MAP3K21: variants seen among roughly 807,000 people sequenced by gnomAD.
MAP3K21 encodes mitogen-activated protein kinase kinase kinase MLK4.
MAP3K21 carries 63 observed loss-of-function variants against 86.1 expected under a neutral mutation model. That is an observed-to-expected ratio of 0.73 (90% confidence interval 0.60 to 0.90). MAP3K21 has a LOEUF of 0.90. MAP3K21 is among the 40% of genes least tolerant of loss of function. The pLI, the probability that MAP3K21 is intolerant of heterozygous loss-of-function variation, is 0.00. For missense variants in MAP3K21, 1,220 were observed against 1,367.7 expected, an observed-to-expected ratio of 0.89 and a Z score of 1.70; for synonymous variants, 558 against 564.8, an observed-to-expected ratio of 0.99 and a Z score of 0.17.
chr1:233,332,272 C>T (rs906665019), intron 1 of MAP3K21, among the ~76,000 whole-genome samples: 1 of 151,976 alleles, frequency 6.6e-6, no homozygotes. Context: ...AAAATGCCAT[C>T]AAGAAAATTA....
intron 2 of MAP3K21, among the ~76,000 whole-genome samples, chr1:233,348,980 A>G (rs933961605): frequency 3.3e-5 from 5 of 152,226 alleles, no homozygotes; most frequent in Non-Finnish European, 2.9e-5. Context: ...TAAAAGTTCC[A>G]TAAAACTGCC....
Position 233,328,954 on chromosome 1 carries a change from C to A in MAP3K21, c.805+121C>A. On this transcript the variant is annotated intron_variant, in intron 1 of 9. Coordinates refer to ENST00000366624, the MANE Select transcript of MAP3K21 (RefSeq NM_032435.3). The surrounding 1 kb of genome is among the most constrained non-coding windows in gnomAD (Gnocchi z 8.7). Reference sequence around the variant, plus strand: ...CAGCCTTAGGGCGCCAGCAGCAACTCATGCCCAGGCCTTCAGGGCTCGGAA... The same window carrying A: ...CAGCCTTAGGGCGCCAGCAGCAACTAATGCCCAGGCCTTCAGGGCTCGGAA... 2 of 1,003,978 alleles carry A rather than the reference C, an allele frequency of 2.0e-6. No homozygotes were observed. The highest frequency in any genetic ancestry group is 2.6e-6 in the Non-Finnish European group (2 of 775,080). The allele number at this position is 1,003,978 out of a possible 1,614,324, so 62.2% of individuals were successfully genotyped here. A position where few individuals can be genotyped will look rare whatever the true frequency, so the allele number is the denominator to read the frequency against.
At position 233,379,185 on chromosome 1, in the gene MAP3K21, A is replaced by C; in HGVS notation, c.2179A>C (p.Thr727Pro). 18 of 1,614,212 alleles carry C rather than the reference A, an allele frequency of 1.1e-5. No individual in the cohort carries two copies. The highest frequency in any genetic ancestry group is 1.5e-5 in the Non-Finnish European group (18 of 1,180,032). The change falls in exon 9 of 10, where the codon ACC becomes CCC. Residue 727 changes from threonine (T) to proline (P), a missense_variant. Coordinates refer to ENST00000366624, the MANE Select transcript of MAP3K21 (RefSeq NM_032435.3). The stretch of plus-strand genomic sequence containing the variant: ...AACGGAGTCAGCTCTGTATGGGTGC[A>C]CCGTCCTTCTGGCATCGGTGGCTCT... ...KKTESALYGC[T>P]VLLASVALGL... is the part of the protein sequence containing the mutation.
At chr1:233,370,176 T>C (rs538242068) in intron 5 of MAP3K21, among the ~76,000 whole-genome samples, 15 of 152,334 alleles carry the variant, frequency 9.8e-5, no homozygotes, top group Admixed American at 3.9e-4. Context: ...AAAACATTTA[T>C]TGAGCATTTA....
chr1:233,342,138 T>A (rs1663049225), intron 1 of MAP3K21, among the ~76,000 whole-genome samples: 1 of 152,214 alleles, frequency 6.6e-6, no homozygotes, highest in Non-Finnish European at 1.5e-5. Flanking sequence ...GACTGAGAAA[T>A]AAATATACCT....
At chr1:233,379,748 C>A (rs777250732) in intron 9 of MAP3K21, 38 bp downstream of exon 9, 22 of 1,415,094 alleles carry the variant, frequency 1.6e-5, no homozygotes, top group Admixed American at 1.2e-4. Context: ...TAAAACACTG[C>A]TGTAGAGATT....
intron 2 of MAP3K21, among the ~76,000 whole-genome samples, chr1:233,348,449 C>G (rs912522602): frequency 6.6e-6 from 1 of 152,160 alleles, no homozygotes; most frequent in Non-Finnish European, 1.5e-5. Flanking sequence ...ACAAACATTC[C>G]TGAACACATT....
intron 1 of MAP3K21, among the ~76,000 whole-genome samples, chr1:233,334,634 GT>G (rs1662878812): frequency 6.6e-6 from 1 of 152,188 alleles, no homozygotes; most frequent in African/African-American, 2.4e-5. Context: ...TTCGCATGTG[GT>G]CAGGCAGTGA....
chr1:233,383,911 A>C lies in MAP3K21; in HGVS notation c.*1200A>C, dbSNP rs752614371. 7.2e-5 allele frequency: 11 copies of C among 152,306 alleles called. No homozygotes were observed. The highest frequency in any genetic ancestry group is 6.8e-3 in the Middle Eastern group (2 of 294). 9.4% of individuals were successfully genotyped at this position (152,306 alleles called of 1,614,324 possible). A position where few individuals can be genotyped will look rare whatever the true frequency, so the allele number is the denominator to read the frequency against. ...TAGCAGATCAGGATTTAAATAATAA[A>C]ATTATCTATGAATCACTTTTATGGT... is the stretch of plus-strand genomic sequence containing the variant. On this transcript the variant is annotated 3_prime_UTR_variant, in exon 10 of 10. Coordinates refer to ENST00000366624, the MANE Select transcript of MAP3K21 (RefSeq NM_032435.3).
intron 9 of MAP3K21, 31 bp from the exon 10 acceptor site, chr1:233,382,274 A>C: frequency 1.9e-6 from 3 of 1,566,242 alleles, no homozygotes; most frequent in Non-Finnish European, 2.6e-6. Context: ...TTTTCTTTCT[A>C]ACTGCATACT....
intron 8 of MAP3K21, among the ~76,000 whole-genome samples, chr1:233,376,989 G>A (rs1663810805): frequency 6.6e-6 from 1 of 152,106 alleles, no homozygotes; most frequent in South Asian, 2.1e-4. Context: ...CAGCTACTCA[G>A]GAGGCTGAGG....
Position 233,363,207 on chromosome 1 carries a change from C to T in MAP3K21, c.1552+914C>T, listed in dbSNP as rs183414162. 3.1e-3 allele frequency among the ~76,000 whole-genome samples: 471 copies of T among 152,198 alleles called. 4 individuals are homozygous for T. The highest frequency in any genetic ancestry group is 0.01 in the African/African-American group (423 of 41,516). On this transcript the variant is annotated intron_variant, in intron 5 of 9. Coordinates refer to ENST00000366624, the MANE Select transcript of MAP3K21 (RefSeq NM_032435.3). Reference sequence around the variant, plus strand: ...TATATGTATTATATATTAGAGTGCTCGGACGGATTCTAGTGTTTTCCTAAG... The same window carrying T: ...TATATGTATTATATATTAGAGTGCTTGGACGGATTCTAGTGTTTTCCTAAG...
intron 1 of MAP3K21, among the ~76,000 whole-genome samples, chr1:233,344,589 A>G (rs1343336386): frequency 1.3e-5 from 2 of 152,224 alleles, no homozygotes; most frequent in Non-Finnish European, 2.9e-5. Flanking sequence ...TTCAAGATGG[A>G]TTAAAGACTT....
Position 233,375,946 on chromosome 1 carries a change from G to T in MAP3K21, c.1706G>T (p.Gly569Val). ...LTSDESNKTW[G>V]RNTVFRQEEF... ...TCAGATGAAAGCAATAAAACTTGGGGAAGGAACACAGTCTTTCGACAAGAA... is the reference window on the plus strand; with the variant it reads ...TCAGATGAAAGCAATAAAACTTGGGTAAGGAACACAGTCTTTCGACAAGAA... The change falls in exon 7 of 10, where the codon GGA (glycine) becomes GTA (valine). Residue 569 changes from glycine to valine, a missense_variant. Physicochemically the swap from Gly to Val is moderately radical, Grantham distance 109 (BLOSUM62 -3). Transcript: ENST00000366624. 1 of 1,612,422 alleles carries T rather than the reference G, an allele frequency of 6.2e-7. No individual in the cohort carries two copies. Among genetic ancestry groups the T allele is most frequent in the Non-Finnish European group, 8.5e-7 (1 of 1,179,218 alleles).
At position 233,379,071 on chromosome 1, in the gene MAP3K21, T is replaced by C; in HGVS notation, c.2065T>C (p.Trp689Arg). 6.2e-7 allele frequency: 1 copy of C among 1,614,154 alleles called. No homozygotes were observed. ...AGAGAATCCTGCAGAAGCTGAAAGCTGGGAGGAGGCAGCCTCTGCGAATGC... is the reference window on the plus strand; with the variant it reads ...AGAGAATCCTGCAGAAGCTGAAAGCCGGGAGGAGGCAGCCTCTGCGAATGC... ...QRENPAEAES[W>R]EEAASANAAT... The change falls in exon 9 of 10, where the codon TGG becomes CGG. Residue 689 changes from tryptophan (W) to arginine (R), a missense_variant. Transcript: ENST00000366624.
intron 1 of MAP3K21, among the ~76,000 whole-genome samples, chr1:233,337,291 G>T (rs1421088021): frequency 2.0e-5 from 3 of 152,188 alleles, no homozygotes; most frequent in African/African-American, 7.2e-5. Context: ...GTGGCATTGT[G>T]CTGGATTTAG....
chr1:233,344,160 G>A (rs149354794), intron 1 of MAP3K21, among the ~76,000 whole-genome samples: 10 of 152,306 alleles, frequency 6.6e-5, no homozygotes, highest in African/African-American at 2.4e-4. Context: ...ACTGCCCAAG[G>A]TAATTTATAG....
In MAP3K21 at chr1:233,375,995, T is replaced by C. The variant is rs1663788293; in HGVS notation, c.1755T>C (p.Asn585=). The C allele has an allele frequency of 1.2e-6, 2 of 1,606,840 alleles. No homozygotes were observed. Among genetic ancestry groups the C allele is most frequent in the Non-Finnish European group, 1.7e-6 (2 of 1,178,210 alleles). Residue 585 remains asparagine (N), a synonymous_variant, in exon 7 of 10, where the codon AAT becomes AAC. Coordinates refer to ENST00000366624, the MANE Select transcript of MAP3K21 (RefSeq NM_032435.3). ...AAGAATTTGAGGATGTAAAAAGGAA[T>C]TTTAAGAAAAAAGGTTGTACCTGGG... ...RQEEFEDVKR[N]FKKKGCTWGP... is the part of the protein sequence containing the mutation.
Position 233,383,724 on chromosome 1 carries a change from C to T in MAP3K21, c.*1013C>T, listed in dbSNP as rs1663960582. On this transcript the variant is annotated 3_prime_UTR_variant, in exon 10 of 10. Transcript: ENST00000366624. ...ATCCTAATAATCCCAAAGACACTGA[C>T]AACTCAAGGAACAGCAGTACAGTAC... 2 of 152,118 alleles carry T rather than the reference C, an allele frequency of 1.3e-5. No individual in the cohort carries two copies. 9.4% of individuals were successfully genotyped at this position (152,118 alleles called of 1,614,324 possible).
Sources: allele counts gnomAD v4.1 joint callset (sites outside exome capture counted in the v4.1 genomes callset), GRCh38; gene constraint gnomAD v4.1.1; non-coding constraint Gnocchi (gnomAD v3.1); transcripts MANE v1.5; gene names NCBI Gene and HGNC (gene_info 2026-07-23, HGNC 2026-07-21).